EGLN1: variants seen among roughly 807,000 people sequenced by gnomAD.
The protein encoded by EGLN1 is egl-9 family hypoxia inducible factor 1, also known as egl nine homolog 1.
In EGLN1, 17 loss-of-function variants were observed where a neutral mutation model predicts 38.3. The observed-to-expected ratio is 0.44, with a 90% CI of 0.30 to 0.67. The LOEUF (loss-of-function observed/expected upper bound fraction) is 0.67. Ranked by LOEUF, EGLN1 falls within the 30% of genes least tolerant of loss-of-function variation. EGLN1 has a pLI of 0.08. For synonymous variants in EGLN1, 283 were observed against 257.5 expected, an observed-to-expected ratio of 1.10 and a Z score of -0.95; for missense variants, 477 against 603.3, an observed-to-expected ratio of 0.79 and a Z score of 2.19.
chr1:231,416,850 T>C (rs973270957), intron 1 of EGLN1, among the ~76,000 whole-genome samples: 1 of 152,246 alleles, frequency 6.6e-6, no homozygotes, highest in African/African-American at 2.4e-5. Context: ...TGTACTATTT[T>C]CAGCCTTTCT....
At chr1:231,377,022 C>A (rs2572253) in intron 1 of EGLN1, among the ~76,000 whole-genome samples, 82,487 of 151,528 alleles carry the variant, frequency 0.54, 24,012 homozygotes, top group Non-Finnish European at 0.65. Flanking sequence ...CTAAGAAGGG[C>A]CAGGAAGCCA....
intron 1 of EGLN1, among the ~76,000 whole-genome samples, chr1:231,418,422 C>T (rs538851812): frequency 6.6e-6 from 1 of 152,202 alleles, no homozygotes; most frequent in Admixed American, 6.5e-5. Flanking sequence ...CTATAACTAG[C>T]GTAGTTAAAA....
At chr1:231,395,270 A>C (rs1293998759) in intron 1 of EGLN1, among the ~76,000 whole-genome samples, 2 of 152,186 alleles carry the variant, frequency 1.3e-5, no homozygotes, top group African/African-American at 4.8e-5. Context: ...GGCTCCACAG[A>C]CAAGTTTCTA....
At chr1:231,415,933 T>TGCCTGCCGGGTTCAA (rs1689068798) in intron 1 of EGLN1, among the ~76,000 whole-genome samples, 1 of 151,848 alleles carries the variant, frequency 6.6e-6, no homozygotes, top group South Asian at 2.1e-4. Flanking sequence ...CTGCAATCTC[T>TGCCTGCCGGGTTCAA]GCCTGCCGGG....
chr1:231,367,167 A>G (rs940738568), intron 4 of EGLN1, among the ~76,000 whole-genome samples: 2 of 152,240 alleles, frequency 1.3e-5, no homozygotes, highest in African/African-American at 2.4e-5. Flanking sequence ...TCATGTCTAC[A>G]TTTAACATGG....
At position 231,421,535 on chromosome 1, in the gene EGLN1, G is replaced by T. The variant is rs1370030808; in HGVS notation, c.354C>A (p.Ala118=). 2 of 1,296,500 alleles carry T rather than the reference G, an allele frequency of 1.5e-6. No homozygotes were observed. The highest frequency in any genetic ancestry group is 2.0e-6 in the Non-Finnish European group (2 of 1,023,562). 80.3% of individuals were successfully genotyped at this position (1,296,500 alleles called of 1,614,324 possible). A position where few individuals can be genotyped will look rare whatever the true frequency, so the allele number is the denominator to read the frequency against. The change falls in exon 1 of 5, where the codon GCC becomes GCA. Residue 118 remains alanine, a synonymous_variant. Coordinates refer to ENST00000366641, the MANE Select transcript of EGLN1 (RefSeq NM_022051.3). The surrounding 1 kb of genome is among the most constrained non-coding windows in gnomAD (Gnocchi z 5.5). ...ACGGCGACGCGGCCGCCGCTGGGTC[G>T]GCCGGGGGCTTGGCCTTTACTTTTC... ...AKGKVKAKPP[A]DPAAAASPCR... is the part of the protein sequence containing the mutation.
intron 1 of EGLN1, among the ~76,000 whole-genome samples, chr1:231,389,071 A>G (rs1356824325): frequency 2.0e-5 from 3 of 152,250 alleles, no homozygotes; most frequent in Non-Finnish European, 2.9e-5. Flanking sequence ...AAAGTAGCCA[A>G]TATCACAAAT....
At position 231,382,798 on chromosome 1, in the gene EGLN1, C is replaced by T. The variant is rs149986650; in HGVS notation, c.892-8699G>A. Among the ~76,000 whole-genome samples, 531 of 152,142 alleles carry T rather than the reference C, an allele frequency of 3.5e-3. 9 individuals carry two copies. Among genetic ancestry groups the T allele is most frequent in the African/African-American group, 0.012 (483 of 41,494 alleles). ...GCAGGCCGGGCATGGTGGCTCAAGC[C>T]GGTAATCCCAGCACCTTGGGAGGCC... On this transcript the variant is annotated intron_variant, in intron 1 of 4. Coordinates refer to ENST00000366641, the MANE Select transcript of EGLN1 (RefSeq NM_022051.3).
rs776933177 is a variant in EGLN1 at position 231,395,037 on chromosome 1, TC to T, written c.892-20939del. 1.1e-4 allele frequency among the ~76,000 whole-genome samples: 17 copies of T among 152,280 alleles called. 1 individual carries two copies. The East Asian group carries it at 1.4e-3, about 12-fold the overall frequency. On this transcript the variant is annotated intron_variant, in intron 1 of 4. Transcript: ENST00000366641. ...GGTCTGGAGTGGGGAATAACGTTCT[TC>T]ATGTCTTCCAACAAACCAGTGTTGG... is the stretch of plus-strand genomic sequence containing the variant.
intron 1 of EGLN1, among the ~76,000 whole-genome samples, chr1:231,411,132 T>G (rs1362402361): frequency 6.6e-6 from 1 of 152,144 alleles, no homozygotes; most frequent in Non-Finnish European, 1.5e-5. Context: ...CATATTGAAT[T>G]ATAATCCCCA....
At chr1:231,369,222 G>C (rs1687749014) in intron 3 of EGLN1, among the ~76,000 whole-genome samples, 1 of 152,112 alleles carries the variant, frequency 6.6e-6, no homozygotes, top group African/African-American at 2.4e-5. Context: ...ACCTAGGCCA[G>C]CTGAGCCTCT....
chr1:231,387,257 C>CA (rs552920401), intron 1 of EGLN1, among the ~76,000 whole-genome samples: 3,617 of 149,064 alleles, frequency 0.024, 86 homozygotes, highest in African/African-American at 0.059. Context: ...ACACACACAC[C>CA]CCCCTAATTA....
chr1:231,419,345 G>GTT (rs1272826251), intron 1 of EGLN1, among the ~76,000 whole-genome samples: 4 of 152,164 alleles, frequency 2.6e-5, no homozygotes, highest in African/African-American at 7.2e-5. Flanking sequence ...GAAGACAAAA[G>GTT]AGAAAAGAGG....
chr1:231,372,969 G>GA (rs1374961105), intron 2 of EGLN1, among the ~76,000 whole-genome samples: 1 of 151,966 alleles, frequency 6.6e-6, no homozygotes, highest in East Asian at 1.9e-4. Context: ...AAAATCCACT[G>GA]AACTATACAA....
chr1:231,413,130 C>T (rs1265094720), intron 1 of EGLN1, among the ~76,000 whole-genome samples: 4 of 152,008 alleles, frequency 2.6e-5, no homozygotes, highest in South Asian at 2.1e-4. Context: ...GGTTGGAGTG[C>T]GGTGGCATCA....
Position 231,421,223 on chromosome 1 carries a change from G to T in EGLN1, c.666C>A (p.Ile222=). 6.2e-7 allele frequency: 1 copy of T among 1,613,930 alleles called. No individual in the cohort carries two copies. The highest frequency in any genetic ancestry group is 8.5e-7 in the Non-Finnish European group (1 of 1,180,028). Residue 222 remains isoleucine (I), a synonymous_variant, in exon 1 of 5, where the codon ATC becomes ATA. Coordinates refer to ENST00000366641, the MANE Select transcript of EGLN1 (RefSeq NM_022051.3). The surrounding 1 kb of genome is among the most constrained non-coding windows in gnomAD (Gnocchi z 5.5). The part of the protein sequence containing the change: ...DFLGKETGQQ[I]GDEVRALHDT... ...CGTGCAGGGCGCGCACCTCGTCGCC[G>T]ATCTGCTGTCCGGTCTCCTTGCCGA...
intron 1 of EGLN1, among the ~76,000 whole-genome samples, chr1:231,412,313 A>C (rs2790867): frequency 0.48 from 72,669 of 152,022 alleles, 19,504 homozygotes; most frequent in African/African-American, 0.75. Flanking sequence ...ATTTTACGGT[A>C]ATTCCATTCT....
chr1:231,398,503 G>A (rs1688587376), intron 1 of EGLN1, among the ~76,000 whole-genome samples: 1 of 152,166 alleles, frequency 6.6e-6, no homozygotes, highest in Admixed American at 6.5e-5. Flanking sequence ...TTGGAACACA[G>A]TCACACTTAC....
intron 1 of EGLN1, among the ~76,000 whole-genome samples, chr1:231,409,721 G>T (rs566983253): frequency 1.3e-5 from 2 of 151,956 alleles, no homozygotes; most frequent in East Asian, 3.9e-4. Flanking sequence ...AGTCATGATT[G>T]TTGTTATTAC....
Sources: allele counts gnomAD v4.1 joint callset (sites outside exome capture counted in the v4.1 genomes callset), GRCh38; gene constraint gnomAD v4.1.1; non-coding constraint Gnocchi (gnomAD v3.1); transcripts MANE v1.5; gene names NCBI Gene and HGNC (gene_info 2026-07-23, HGNC 2026-07-21).